SARM1: variants seen among roughly 807,000 people sequenced by gnomAD.
SARM1 encodes NAD(+) hydrolase SARM1.
Under a neutral mutation model 65.1 loss-of-function variants are expected in SARM1, and 60 were observed. The ratio of observed to expected loss-of-function variants is 0.92; its 90% CI spans 0.75 to 1.14. The LOEUF is 1.14. Ranked by LOEUF, SARM1 falls within the 50% of genes most tolerant of loss-of-function variation. SARM1 has a pLI of 0.00. For synonymous variants in SARM1, 417 were observed against 465.4 expected, an observed-to-expected ratio of 0.90 and a Z score of 1.34; for missense variants, 913 against 1,015.7, an observed-to-expected ratio of 0.90 and a Z score of 1.37.
Position 28,399,332 on chromosome 17 carries a change from C to G in SARM1, c.*3046C>G. 3.3e-6 allele frequency: 1 copy of G among 304,642 alleles called. No individual in the cohort carries two copies. The highest frequency in any genetic ancestry group is 6.3e-6 in the Non-Finnish European group (1 of 159,516). 18.9% of individuals were successfully genotyped at this position (304,642 alleles called of 1,614,324 possible). Reference sequence around the variant, plus strand: ...GCTGCCTCTGGTCCCTGAAGTGTCACCTCTCTCAGGACCTCTCCTCTGGCC... The same window carrying G: ...GCTGCCTCTGGTCCCTGAAGTGTCAGCTCTCTCAGGACCTCTCCTCTGGCC... On this transcript the variant is annotated 3_prime_UTR_variant, in exon 9 of 9. Coordinates refer to ENST00000585482, the MANE Select transcript of SARM1 (RefSeq NM_015077.4).
intron 1 of SARM1, chr17:28,374,378 T>A (rs1230746248): frequency 6.6e-6 from 1 of 150,954 alleles, no homozygotes. Flanking sequence ...AACACAAAAA[T>A]TAGCCAGGCA....
At chr17:28,379,388 G>GGGTTCACAC (rs1382029758) in intron 1 of SARM1, among the ~76,000 whole-genome samples, 4 of 130,076 alleles carry the variant, frequency 3.1e-5, no homozygotes, top group African/African-American at 1.2e-4. Flanking sequence ...TTGGCTCACT[G>GGGTTCACAC]CAAGCTCCGC....
intron 1 of SARM1, among the ~76,000 whole-genome samples, chr17:28,375,863 C>A (rs1285774925): frequency 4.6e-5 from 7 of 152,102 alleles, no homozygotes; most frequent in Non-Finnish European, 1.0e-4. Flanking sequence ...AACCAGACCC[C>A]CTCTCTGGAG....
rs1555585231 is a variant in SARM1 at position 28,381,440 on chromosome 17, C to CG, written c.713dup (p.Gln239ProfsTer42). The CG allele has an allele frequency of 1.3e-6, 2 of 1,546,100 alleles. No homozygotes were observed. Among genetic ancestry groups the CG allele is most frequent in the South Asian group, 1.2e-5 (1 of 83,414 alleles). On this transcript the variant is annotated frameshift_variant, in exon 2 of 9. Coordinates refer to ENST00000585482, the MANE Select transcript of SARM1 (RefSeq NM_015077.4). LOFTEE classifies it high-confidence loss of function. ...TGGCGCTGGGCAACTGCGCGCTGCACGGGGGCCAGGCGGTGCAGCGACGCA... is the reference window on the plus strand; with the variant it reads ...TGGCGCTGGGCAACTGCGCGCTGCACGGGGGGCCAGGCGGTGCAGCGACGCA...
chr17:28,374,836 G>A (rs2067979757), intron 1 of SARM1, among the ~76,000 whole-genome samples: 2 of 151,824 alleles, frequency 1.3e-5, no homozygotes, highest in South Asian at 4.2e-4. Context: ...GATTAGCCGG[G>A]CGTGATGGCA....
chr17:28,379,950 T>TTTA (rs1314752202), intron 1 of SARM1, among the ~76,000 whole-genome samples: 1 of 152,362 alleles, frequency 6.6e-6, no homozygotes, highest in South Asian at 2.1e-4. Context: ...CAATTGCCTG[T>TTTA]TTATGTCCTT....
chr17:28,380,778 A>T (rs928643153), intron 1 of SARM1, among the ~76,000 whole-genome samples: 12 of 152,244 alleles, frequency 7.9e-5, no homozygotes, highest in Admixed American at 1.3e-4. Context: ...TTATCTCATT[A>T]GTCCTGATAA....
In SARM1 at chr17:28,402,359, G is replaced by T. The variant is rs1555589812; in HGVS notation, c.*6073G>T. 6.4e-7 allele frequency: 1 copy of T among 1,566,870 alleles called. No individual in the cohort carries two copies. Among genetic ancestry groups the T allele is most frequent in the Admixed American group, 1.7e-5 (1 of 57,972 alleles). On this transcript the variant is annotated 3_prime_UTR_variant, in exon 9 of 9. Coordinates refer to ENST00000585482, the MANE Select transcript of SARM1 (RefSeq NM_015077.4). ...AAACACTCATCAGGAAAATGGGGCT[G>T]GGGAGAGGGGCGTCCAAGGGAAAGG...
intron 7 of SARM1, among the ~76,000 whole-genome samples, chr17:28,393,183 C>A (rs2142438486): frequency 6.6e-6 from 1 of 152,302 alleles, no homozygotes; most frequent in Non-Finnish European, 1.5e-5. Flanking sequence ...TAATTACTTG[C>A]CATGGAATGT....
chr17:28,396,259 G>A lies in SARM1; in HGVS notation c.2148G>A (p.Glu716=), dbSNP rs782262723. 1.2e-6 allele frequency: 2 copies of A among 1,613,996 alleles called. No homozygotes were observed. Among genetic ancestry groups the A allele is most frequent in the South Asian group, 2.2e-5 (2 of 91,082 alleles). Reference sequence around the variant, plus strand: ...CTGCAGGCTCTGACACCAGTTTGGAGGGTGCTGCACCCATGGGTCCAACCT... The same window carrying A: ...CTGCAGGCTCTGACACCAGTTTGGAAGGTGCTGCACCCATGGGTCCAACCT... ...DSSAGSDTSL[E]GAAPMGPT is the part of the protein sequence containing the mutation. The change falls in exon 9 of 9, where the codon GAG becomes GAA. Residue 716 remains glutamate, a synonymous_variant. Transcript: ENST00000585482.
chr17:28,371,727 A>C lies in SARM1; in HGVS notation c.-306A>C. On this transcript the variant is annotated 5_prime_UTR_variant, in exon 1 of 9. Coordinates refer to ENST00000585482, the MANE Select transcript of SARM1 (RefSeq NM_015077.4). ...GCTCAGCCGAGCCCGTGCCCAGGCC[A>C]CGCTTTGTTCCAGCCGCCGCCTCCT... The C allele has an allele frequency of 3.6e-6, 1 of 278,206 alleles. No homozygotes were observed. The allele number at this position is 278,206 out of a possible 1,614,324, so 17.2% of individuals were successfully genotyped here. A position where few individuals can be genotyped will look rare whatever the true frequency, so the allele number is the denominator to read the frequency against.
chr17:28,391,170 G>T (rs181355262), intron 7 of SARM1, among the ~76,000 whole-genome samples: 242 of 152,334 alleles, frequency 1.6e-3, no homozygotes, highest in African/African-American at 5.5e-3. Flanking sequence ...ATCAGCCATG[G>T]TGGGAGTATT....
chr17:28,375,619 G>A (rs960039265), intron 1 of SARM1, among the ~76,000 whole-genome samples: 5 of 146,240 alleles, frequency 3.4e-5, no homozygotes, highest in Non-Finnish European at 6.0e-5. Flanking sequence ...AAAAAATCAC[G>A]AAAGCCATTG....
chr17:28,387,386 C>A (rs1555586183), intron 5 of SARM1, among the ~76,000 whole-genome samples: 1 of 152,020 alleles, frequency 6.6e-6, no homozygotes, highest in East Asian at 1.9e-4. Context: ...CATGTGCCAC[C>A]ATGCCTGGAT....
Position 28,384,336 on chromosome 17 carries a change from C to A in SARM1, c.1090-21C>A. The A allele has an allele frequency of 6.5e-7, 1 of 1,549,580 alleles. No individual in the cohort carries two copies. Among genetic ancestry groups the A allele is most frequent in the Non-Finnish European group, 8.7e-7 (1 of 1,145,762 alleles). On this transcript the variant is annotated intron_variant, in intron 2 of 8. Transcript: ENST00000585482. This position sits in a 1 kb window ranked among gnomAD's most constrained non-coding sequence, Gnocchi z 4.4. ...TGGAGAGCTGGTGGGACCTACAGCC[C>A]TCTCCCCACTCCCTCCCTAGGTGTT...
In SARM1 at chr17:28,399,658, A is replaced by G. The variant is rs1555589075; in HGVS notation, c.*3372A>G. The G allele has an allele frequency of 2.5e-6, 4 of 1,613,938 alleles. No homozygotes were observed. Among genetic ancestry groups the G allele is most frequent in the Non-Finnish European group, 3.4e-6 (4 of 1,179,874 alleles). The stretch of plus-strand genomic sequence containing the variant: ...CTCTGTCTTCTGGTCCAGGCAGATC[A>G]GGGGCTCTGGGGAAACTGCTGGAAC... On this transcript the variant is annotated 3_prime_UTR_variant, in exon 9 of 9. Coordinates refer to ENST00000585482, the MANE Select transcript of SARM1 (RefSeq NM_015077.4).
chr17:28,387,019 G>A (rs1202202541), intron 5 of SARM1, among the ~76,000 whole-genome samples: 2 of 152,122 alleles, frequency 1.3e-5, no homozygotes, highest in East Asian at 3.9e-4. Flanking sequence ...GATTACGGGC[G>A]TGGGCCACCG....
In SARM1 at chr17:28,385,443, A is replaced by T. The variant is rs1199788972; in HGVS notation, c.1630+168A>T. 3.3e-6 allele frequency: 2 copies of T among 604,666 alleles called. No homozygotes were observed. Among genetic ancestry groups the T allele is most frequent in the African/African-American group, 1.9e-5 (1 of 52,510 alleles). The allele number at this position is 604,666 out of a possible 1,614,324, so 37.5% of individuals were successfully genotyped here. On this transcript the variant is annotated intron_variant, in intron 5 of 8. Transcript: ENST00000585482. The surrounding 1 kb of genome is among the most constrained non-coding windows in gnomAD (Gnocchi z 4.5). The stretch of plus-strand genomic sequence containing the variant: ...TGTAAAGATGAATACGTTGCACTTT[A>T]CCTCAAGAAGTTCCCAGTCTGAGGT...
intron 2 of SARM1, among the ~76,000 whole-genome samples, chr17:28,382,177 G>C (rs1329077952): frequency 1.3e-5 from 2 of 152,148 alleles, no homozygotes; most frequent in Non-Finnish European, 2.9e-5. Context: ...GGGAGACAGC[G>C]ATGCCAGTGG....
Sources: gnomAD v4.1 joint callset for allele counts (sites outside exome capture counted in the v4.1 genomes callset) on GRCh38, gnomAD v4.1.1 for gene constraint, Gnocchi (gnomAD v3.1) non-coding constraint, MANE v1.5 for transcripts, NCBI Gene and HGNC (gene_info 2026-07-23, HGNC 2026-07-21) for gene names.